Variants in TBL1X observed in about 807,000 individuals in gnomAD.
TBL1X encodes the protein transducin beta like 1 X-linked.
A neutral mutation model predicts 50.7 loss-of-function variants in TBL1X; 10 were observed. The observed-to-expected ratio is 0.20, with a 90% CI of 0.12 to 0.33. The LOEUF is 0.33. Among genes scored for constraint, TBL1X ranks in the 10% least tolerant of loss-of-function variants. TBL1X has a pLI of 1.00. For missense variants in TBL1X, 340 were observed against 504.4 expected, an observed-to-expected ratio of 0.67 and a Z score of 3.12; for synonymous variants, 190 against 214.7, an observed-to-expected ratio of 0.88 and a Z score of 1.01.
chrX:9,601,539 G>T (rs2082556716), intron 2 of TBL1X, among the ~76,000 whole-genome samples: 1 of 110,991 alleles, frequency 9.0e-6, no homozygotes, highest in African/African-American at 3.3e-5. Flanking sequence ...AGGACATAAG[G>T]CCTAGTGGTG....
chrX:9,622,851 G>A (rs768219849), intron 2 of TBL1X, among the ~76,000 whole-genome samples: 1 of 111,769 alleles, frequency 8.9e-6, no homozygotes, highest in East Asian at 2.8e-4. Context: ...CGTATAAACA[G>A]CATGTTGTTT....
intron 2 of TBL1X, among the ~76,000 whole-genome samples, chrX:9,592,832 C>T (rs976315268): frequency 3.6e-5 from 4 of 112,162 alleles, no homozygotes; most frequent in Non-Finnish European, 7.5e-5. Flanking sequence ...AATACTAATC[C>T]GTTGTAGGGT....
intron 5 of TBL1X, among the ~76,000 whole-genome samples, chrX:9,662,272 T>C (rs752955013): frequency 9.0e-6 from 1 of 111,524 alleles, no homozygotes; most frequent in South Asian, 3.8e-4. Context: ...AGGGGAGCAG[T>C]ACAGTGTCCT....
rs1392491497 is a variant in TBL1X at position 9,717,644 on chromosome X, G to T, written c.*1398G>T. ...CAGAAGCCGTCGAAACCGACTGCTCGGCTGGATTAGGCGTGTTGGCTACAT... is the reference window on the plus strand; with the variant it reads ...CAGAAGCCGTCGAAACCGACTGCTCTGCTGGATTAGGCGTGTTGGCTACAT... On this transcript the variant is annotated 3_prime_UTR_variant, in exon 18 of 18. Coordinates refer to ENST00000645353, the MANE Select transcript of TBL1X (RefSeq NM_005647.4). The T allele has an allele frequency of 8.9e-6, 1 of 112,859 alleles. No homozygotes were observed. Among genetic ancestry groups the T allele is most frequent in the Non-Finnish European group, 1.9e-5 (1 of 53,359 alleles). The allele number at this position is 112,859 out of a possible 1,213,427, so 9.3% of individuals were successfully genotyped here.
At chrX:9,608,677 G>T (rs2082596415) in intron 2 of TBL1X, among the ~76,000 whole-genome samples, 1 of 112,349 alleles carries the variant, frequency 8.9e-6, no homozygotes, top group Non-Finnish European at 1.9e-5. Flanking sequence ...AGTCAAAGTG[G>T]TTTTTGTCGA....
intron 6 of TBL1X, among the ~76,000 whole-genome samples, chrX:9,686,744 ATGT>A (rs2083062167): frequency 8.9e-6 from 1 of 111,773 alleles, no homozygotes; most frequent in South Asian, 3.7e-4. Flanking sequence ...AAATGAGGAC[ATGT>A]TGTTACTACT....
intron 12 of TBL1X, among the ~76,000 whole-genome samples, chrX:9,702,178 G>C (rs770258242): frequency 9.0e-6 from 1 of 111,350 alleles, no homozygotes; most frequent in Non-Finnish European, 1.9e-5. Context: ...GCTCATTCCT[G>C]TAATCCCAGC....
At chrX:9,566,469 C>G (rs954624738) in intron 2 of TBL1X, among the ~76,000 whole-genome samples, 4 of 111,929 alleles carry the variant, frequency 3.6e-5, no homozygotes, top group African/African-American at 1.3e-4. Context: ...TTGGAATCCT[C>G]TGGCACTGGA....
chrX:9,645,269 A>AT (rs758095682), intron 3 of TBL1X: 5 of 111,016 alleles, frequency 4.5e-5, no homozygotes, highest in African/African-American at 1.6e-4. Flanking sequence ...TAATTTTTGT[A>AT]TTTTTTGTAG....
At chrX:9,619,742 C>T (rs1469558244) in intron 2 of TBL1X, among the ~76,000 whole-genome samples, 3 of 111,835 alleles carry the variant, frequency 2.7e-5, no homozygotes, top group Non-Finnish European at 5.6e-5. Context: ...GTGTAGGCAG[C>T]GATGGGGACA....
chrX:9,649,443 T>C (rs756304357), intron 3 of TBL1X, among the ~76,000 whole-genome samples: 17 of 112,108 alleles, frequency 1.5e-4, no homozygotes, highest in Non-Finnish European at 3.2e-4. Context: ...ATCAAAACCC[T>C]TTAGAAAGTT....
intron 2 of TBL1X, among the ~76,000 whole-genome samples, chrX:9,559,334 T>C (rs1176795563): frequency 9.0e-6 from 1 of 111,640 alleles, no homozygotes; most frequent in Non-Finnish European, 1.9e-5. Flanking sequence ...TCTCTTCTTT[T>C]CCTGGGTGGG....
At chrX:9,703,470 C>T (rs1016945355) in intron 12 of TBL1X, among the ~76,000 whole-genome samples, 1 of 111,577 alleles carries the variant, frequency 9.0e-6, no homozygotes, top group Admixed American at 9.4e-5. Context: ...GGAAAGAGAC[C>T]GGAGACCTGA....
intron 1 of TBL1X, among the ~76,000 whole-genome samples, chrX:9,486,595 C>G (rs1262693362): frequency 9.3e-6 from 1 of 107,554 alleles, no homozygotes; most frequent in Non-Finnish European, 1.9e-5. Context: ...ACACACCCCC[C>G]CCCCACGCCC....
intron 5 of TBL1X, among the ~76,000 whole-genome samples, chrX:9,667,301 A>G (rs746049638): frequency 9.5e-4 from 106 of 111,579 alleles, no homozygotes; most frequent in Non-Finnish European, 1.6e-3. Flanking sequence ...GGGTTTGTGA[A>G]GGATTGATCT....
chrX:9,469,331 T>A (rs2081797846), intron 1 of TBL1X, among the ~76,000 whole-genome samples: 1 of 110,663 alleles, frequency 9.0e-6, no homozygotes, highest in Admixed American at 9.6e-5. Flanking sequence ...CCCGGCTGAT[T>A]TTTGTATTTT....
chrX:9,672,419 G>A (rs946952475), intron 5 of TBL1X, among the ~76,000 whole-genome samples: 2 of 111,829 alleles, frequency 1.8e-5, no homozygotes, highest in African/African-American at 6.5e-5. Flanking sequence ...AACAGCAAGC[G>A]AGTTGTCTGG....
At chrX:9,542,343 A>T (rs1483869648) in intron 2 of TBL1X, among the ~76,000 whole-genome samples, 1 of 111,113 alleles carries the variant, frequency 9.0e-6, no homozygotes, top group Non-Finnish European at 1.9e-5. Context: ...TTCCAAATGA[A>T]TTGCTCCTGG....
chrX:9,521,517 G>A (rs1316705500), intron 2 of TBL1X, among the ~76,000 whole-genome samples: 1 of 111,872 alleles, frequency 8.9e-6, no homozygotes, highest in East Asian at 2.8e-4. Context: ...CTGTTTAAGA[G>A]CTTATTTGAA....
Sources: allele counts gnomAD v4.1 joint callset (sites outside exome capture counted in the v4.1 genomes callset), GRCh38; gene constraint gnomAD v4.1.1; transcripts MANE v1.5; gene names NCBI Gene and HGNC (gene_info 2026-07-23, HGNC 2026-07-21).